The following USP43 variants were observed in gnomAD, a reference collection of about 807,000 sequenced individuals.
The protein encoded by USP43 is ubiquitin specific peptidase 43.
In USP43, 33 loss-of-function variants were observed where a neutral mutation model predicts 90.7. The ratio of observed to expected loss-of-function variants is 0.36; its 90% CI spans 0.28 to 0.49. USP43 has a LOEUF of 0.49. USP43 is among the 20% of genes least tolerant of loss of function. USP43 has a pLI of 0.98. For synonymous variants in USP43, 598 were observed against 615.8 expected (o/e 0.97, Z 0.43); for missense variants, 1,274 against 1,476.4 (o/e 0.86, Z 2.25).
chr17:9,670,148 C>T (rs1913309155), intron 3 of USP43, among the ~76,000 whole-genome samples: 1 of 151,714 alleles, frequency 6.6e-6, no homozygotes, highest in East Asian at 1.9e-4. Flanking sequence ...AAGCCATTCT[C>T]CTGCCTCGGC....
chr17:9,720,216 C>T (rs1211657982), intron 14 of USP43, among the ~76,000 whole-genome samples: 2 of 150,924 alleles, frequency 1.3e-5, no homozygotes, highest in African/African-American at 4.9e-5. Flanking sequence ...GTCCCAGCTA[C>T]CTGGGAGGCT....
chr17:9,675,785 C>CTGGCTTATGCTATAACA (rs755541389), intron 4 of USP43, among the ~76,000 whole-genome samples: 1 of 152,208 alleles, frequency 6.6e-6, no homozygotes, highest in Non-Finnish European at 1.5e-5. Flanking sequence ...AATATAACTA[C>CTGGCTTATGCTATAACA]TGGCTTATGC....
rs566953493 is a variant in USP43 at position 9,655,769 on chromosome 17, T to A, written c.505-634T>A. Among the ~76,000 whole-genome samples, 11 of 152,328 alleles carry A rather than the reference T, an allele frequency of 7.2e-5. No individual in the cohort carries two copies. The South Asian group carries it at 2.3e-3, about 32-fold the overall frequency. ...ACTCAATGCATATTTATCAAAGGAA[T>A]GAAGGGCTGGCTCAGCCATTTGATG... On this transcript the variant is annotated intron_variant, in intron 1 of 14. Transcript: ENST00000285199.
At chr17:9,708,061 T>G (rs1173142098) in intron 12 of USP43, among the ~76,000 whole-genome samples, 1 of 148,628 alleles carries the variant, frequency 6.7e-6, no homozygotes, top group Admixed American at 6.7e-5. Context: ...ACTAGCTATG[T>G]GAATAATGGG....
At chr17:9,724,376 C>T (rs570714671) in intron 14 of USP43, among the ~76,000 whole-genome samples, 7 of 152,252 alleles carry the variant, frequency 4.6e-5, no homozygotes, top group South Asian at 2.1e-4. Context: ...TAATTGTACT[C>T]GGCTCAAGAA....
intron 9 of USP43, 86 bp downstream of exon 9, chr17:9,693,316 G>T: frequency 9.0e-7 from 1 of 1,110,164 alleles, no homozygotes. Context: ...CAATGAGATT[G>T]CTCATAGTAT....
intron 3 of USP43, among the ~76,000 whole-genome samples, chr17:9,667,208 C>A (rs539735177): frequency 2.2e-3 from 325 of 150,468 alleles, no homozygotes; most frequent in African/African-American, 7.7e-3. Context: ...CAAAAAAAAC[C>A]ACAAAAAACA....
At chr17:9,713,157 C>T (rs543257726) in intron 14 of USP43, among the ~76,000 whole-genome samples, 4 of 152,116 alleles carry the variant, frequency 2.6e-5, no homozygotes, top group East Asian at 3.9e-4. Flanking sequence ...GGCATGATCT[C>T]GGCTCACTGC....
chr17:9,676,448 C>T (rs932596847), intron 4 of USP43, among the ~76,000 whole-genome samples: 4 of 152,170 alleles, frequency 2.6e-5, no homozygotes, highest in Non-Finnish European at 5.9e-5. Flanking sequence ...CTGCTCACTA[C>T]AAGCTCCGCC....
Position 9,645,518 on chromosome 17 carries a change from C to A in USP43, c.-115C>A. On this transcript the variant is annotated 5_prime_UTR_variant, in exon 1 of 15. Coordinates refer to ENST00000285199, the MANE Select transcript of USP43 (RefSeq NM_153210.5). This position sits in a 1 kb window ranked among gnomAD's most constrained non-coding sequence, Gnocchi z 6.8. ...GCTCCGCCTCCGCCCCGTCCCCGCA[C>A]ACCTGGCCCGCAGGTAGCCGGCACC... 9.8e-7 allele frequency: 1 copy of A among 1,025,144 alleles called. No individual in the cohort carries two copies. 63.5% of individuals were successfully genotyped at this position (1,025,144 alleles called of 1,614,324 possible).
chr17:9,671,889 CT>C (rs1246693608), intron 3 of USP43, among the ~76,000 whole-genome samples: 1 of 152,228 alleles, frequency 6.6e-6, no homozygotes, highest in East Asian at 1.9e-4. Context: ...TTCTTCAGAT[CT>C]GTTTGTCACA....
At chr17:9,664,919 G>A (rs9912313) in intron 2 of USP43, among the ~76,000 whole-genome samples, 3,476 of 152,290 alleles carry the variant, frequency 0.023, 108 homozygotes, top group African/African-American at 0.07. Context: ...TTACAGGCGT[G>A]AGCCAGCGCG....
chr17:9,715,997 GTGTGTGTGTC>G (rs562638443), intron 14 of USP43, among the ~76,000 whole-genome samples: 4,692 of 151,412 alleles, frequency 0.031, 88 homozygotes, highest in African/African-American at 0.047. Flanking sequence ...TTGTGTATCT[GTGTGTGTGTC>G]TGTGTGTGTA....
At chr17:9,710,694 G>C (rs1916140558) in intron 13 of USP43, among the ~76,000 whole-genome samples, 2 of 151,848 alleles carry the variant, frequency 1.3e-5, no homozygotes, top group Non-Finnish European at 2.9e-5. Context: ...TTTTAGCAGA[G>C]ACGGGGTTTC....
rs760902715 is a variant in USP43 at position 9,728,885 on chromosome 17, A to G, written c.3267A>G (p.Gln1089=). 1 of 1,613,946 alleles carries G rather than the reference A, an allele frequency of 6.2e-7. No homozygotes were observed. Among genetic ancestry groups the G allele is most frequent in the South Asian group, 1.1e-5 (1 of 91,080 alleles). Residue 1089 remains glutamine, a synonymous_variant, in exon 15 of 15, where the codon CAA becomes CAG. Coordinates refer to ENST00000285199, the MANE Select transcript of USP43 (RefSeq NM_153210.5). This position sits in a 1 kb window ranked among gnomAD's most constrained non-coding sequence, Gnocchi z 6.2. ...GAGGCAGTGCACTGGGCATGTCACA[A>G]AGGACTGTTCCAGGGGAGCAGGCTT... ...APRGSALGMS[Q]RTVPGEQASY...
chr17:9,708,675 T>G (rs1916021382), intron 12 of USP43, among the ~76,000 whole-genome samples: 1 of 152,130 alleles, frequency 6.6e-6, no homozygotes, highest in Admixed American at 6.6e-5. Context: ...TTGCCCGGGT[T>G]GGAGTGCAGT....
At chr17:9,699,201 G>A (rs1444488393) in intron 9 of USP43, among the ~76,000 whole-genome samples, 2 of 152,160 alleles carry the variant, frequency 1.3e-5, no homozygotes, top group African/African-American at 2.4e-5. Context: ...AATCAGATAA[G>A]GTGCTTCTCC....
At chr17:9,687,206 A>AT (rs1445982908) in intron 8 of USP43, among the ~76,000 whole-genome samples, 2 of 152,282 alleles carry the variant, frequency 1.3e-5, no homozygotes, top group African/African-American at 4.8e-5. Context: ...CATTAAAACG[A>AT]AATTTTTTTT....
intron 5 of USP43, 25 bp from the exon 6 acceptor site, chr17:9,680,206 G>C (rs1218512546): frequency 4.4e-6 from 7 of 1,606,534 alleles, no homozygotes; most frequent in Non-Finnish European, 6.0e-6. Flanking sequence ...GAAATCAAGA[G>C]GGAAAATGAT....
Sources: allele counts gnomAD v4.1 joint callset (sites outside exome capture counted in the v4.1 genomes callset), GRCh38; gene constraint gnomAD v4.1.1; non-coding constraint Gnocchi (gnomAD v3.1); transcripts MANE v1.5; gene names NCBI Gene and HGNC (gene_info 2026-07-23, HGNC 2026-07-21).